PLCL1: variants seen among roughly 807,000 people sequenced by gnomAD.
PLCL1 encodes phospholipase C like 1 (inactive).
Under a neutral mutation model 84.4 loss-of-function variants are expected in PLCL1, and 41 were observed. The ratio of observed to expected loss-of-function variants is 0.49; its 90% CI spans 0.38 to 0.63. The LOEUF is 0.63. Among genes scored for constraint, PLCL1 ranks in the 30% least tolerant of loss-of-function variants. The pLI is 0.00. For missense variants in PLCL1, 1,206 were observed against 1,367.8 expected (o/e 0.88, Z 1.87); for synonymous variants, 490 against 488.3 (o/e 1.00, Z -0.05).
chr2:197,980,698 C>G (rs2105804558), intron 1 of PLCL1, among the ~76,000 whole-genome samples: 1 of 152,202 alleles, frequency 6.6e-6, no homozygotes, highest in South Asian at 2.1e-4. Flanking sequence ...AGTGGGGGAA[C>G]AGTAACACAG....
intron 1 of PLCL1, among the ~76,000 whole-genome samples, chr2:197,925,748 C>T (rs1436415762): frequency 6.7e-6 from 1 of 149,716 alleles, no homozygotes; most frequent in Non-Finnish European, 1.5e-5. Flanking sequence ...CTCCCTCCCT[C>T]CCTCCCTCAG....
intron 1 of PLCL1, among the ~76,000 whole-genome samples, chr2:198,056,712 A>G (rs1692081226): frequency 6.6e-6 from 1 of 152,146 alleles, no homozygotes; most frequent in Non-Finnish European, 1.5e-5. Flanking sequence ...TTTTGTGACT[A>G]TTAGCATTTG....
At chr2:197,889,011 C>G (rs1295426439) in intron 1 of PLCL1, among the ~76,000 whole-genome samples, 1 of 151,998 alleles carries the variant, frequency 6.6e-6, no homozygotes, top group African/African-American at 2.4e-5. Flanking sequence ...CTTTTATTTG[C>G]AGTTTTTTTA....
At chr2:197,978,338 G>A (rs528754801) in intron 1 of PLCL1, among the ~76,000 whole-genome samples, 15 of 152,258 alleles carry the variant, frequency 9.9e-5, no homozygotes, top group Middle Eastern at 3.4e-3. Flanking sequence ...TTGGCCGGGC[G>A]TGGTGGTGGG....
chr2:197,864,354 T>C (rs964638735), intron 1 of PLCL1, among the ~76,000 whole-genome samples: 26 of 152,050 alleles, frequency 1.7e-4, no homozygotes, highest in African/African-American at 5.8e-4. Flanking sequence ...TCTTTCTTTT[T>C]TTTTTTTTTG....
At chr2:198,105,601 G>GGGGTGTGT (rs1553518574) in intron 5 of PLCL1, among the ~76,000 whole-genome samples, 1 of 143,722 alleles carries the variant, frequency 7.0e-6, no homozygotes, top group East Asian at 2.1e-4. Flanking sequence ...TAATTTGCCT[G>GGGGTGTGT]GTGTGTGTGT....
At chr2:197,836,943 T>G (rs1048009810) in intron 1 of PLCL1, among the ~76,000 whole-genome samples, 2 of 152,114 alleles carry the variant, frequency 1.3e-5, no homozygotes, top group African/African-American at 4.8e-5. Flanking sequence ...CAAGTGATCC[T>G]CCTGCCTTGG....
At chr2:198,146,461 A>G (rs895352066) in intron 5 of PLCL1, among the ~76,000 whole-genome samples, 2 of 152,304 alleles carry the variant, frequency 1.3e-5, no homozygotes, top group African/African-American at 4.8e-5. Context: ...AGCAGTGTGC[A>G]GAGTCTCAGA....
chr2:198,085,895 T>C lies in PLCL1; in HGVS notation c.2378T>C (p.Met793Thr). The change falls in exon 2 of 6, where the codon ATG (methionine) becomes ACG (threonine). Residue 793 changes from methionine (M) to threonine (T), a missense_variant. Coordinates refer to ENST00000428675, the MANE Select transcript of PLCL1 (RefSeq NM_006226.4). The surrounding 1 kb of genome is among the most constrained non-coding windows in gnomAD (Gnocchi z 5.3). ...EFQVNLPELA[M>T]IRFVVLDDDY... is the part of the protein sequence containing the mutation. ...CAAGTAAACCTACCTGAGCTGGCCA[T>C]GATCCGTTTTGTTGTTCTGGATGAT... 1 of 1,614,150 alleles carries C rather than the reference T, an allele frequency of 6.2e-7. No individual in the cohort carries two copies. The highest frequency in any genetic ancestry group is 8.5e-7 in the Non-Finnish European group (1 of 1,179,950).
intron 1 of PLCL1, among the ~76,000 whole-genome samples, chr2:197,926,931 T>G (rs1233759042): frequency 6.6e-6 from 1 of 152,186 alleles, no homozygotes; most frequent in Non-Finnish European, 1.5e-5. Flanking sequence ...TTGTCTTATT[T>G]GGCTGGGCAA....
At position 197,947,122 on chromosome 2, in the gene PLCL1, G is replaced by GTAT. The variant is rs1689290844; in HGVS notation, c.241-136636_241-136635insTAT. Among the ~76,000 whole-genome samples, 5 of 151,974 alleles carry GTAT rather than the reference G, an allele frequency of 3.3e-5. No individual in the cohort carries two copies. In the South Asian group the frequency reaches 8.3e-4, roughly 25 times the overall value. On this transcript the variant is annotated intron_variant, in intron 1 of 5. Transcript: ENST00000428675. ...AGGGGTGAACATACGTTTTCATGGAGCTTATCTTTTAGGGGAGTGAGGACA... is the reference window on the plus strand; with the variant it reads ...AGGGGTGAACATACGTTTTCATGGAGTATCTTATCTTTTAGGGGAGTGAGGACA...
chr2:198,049,469 C>A (rs868838216), intron 1 of PLCL1, among the ~76,000 whole-genome samples: 4 of 152,012 alleles, frequency 2.6e-5, no homozygotes, highest in Non-Finnish European at 2.9e-5. Flanking sequence ...AAGGCAAGAC[C>A]CCTTCTCTTA....
chr2:197,863,821 A>C (rs1687477905), intron 1 of PLCL1, among the ~76,000 whole-genome samples: 1 of 152,128 alleles, frequency 6.6e-6, no homozygotes, highest in Non-Finnish European at 1.5e-5. Flanking sequence ...ACTTAATATT[A>C]AATTTCTCTA....
At chr2:198,104,253 C>T (rs1446504883) in intron 5 of PLCL1, among the ~76,000 whole-genome samples, 1 of 151,842 alleles carries the variant, frequency 6.6e-6, no homozygotes, top group Admixed American at 6.6e-5. Flanking sequence ...CATGTGGTCT[C>T]ATTGTTTAGT....
intron 1 of PLCL1, among the ~76,000 whole-genome samples, chr2:198,001,631 T>C (rs1460015051): frequency 6.6e-6 from 1 of 152,128 alleles, no homozygotes; most frequent in Admixed American, 6.5e-5. Flanking sequence ...TTTTTTTCTG[T>C]GTAGTTGTGG....
intron 1 of PLCL1, among the ~76,000 whole-genome samples, chr2:198,071,679 G>A (rs1245858707): frequency 6.6e-6 from 1 of 151,650 alleles, no homozygotes; most frequent in Non-Finnish European, 1.5e-5. Context: ...GAAACACATA[G>A]CAAATATTTC....
At chr2:198,104,102 C>T (rs767462215) in intron 5 of PLCL1, among the ~76,000 whole-genome samples, 166 bp downstream of exon 5, 3 of 151,884 alleles carry the variant, frequency 2.0e-5, no homozygotes, top group Middle Eastern at 3.4e-3. Flanking sequence ...AACTGTGTGT[C>T]GCGGGGGGCT....
intron 1 of PLCL1, among the ~76,000 whole-genome samples, chr2:197,856,789 T>G (rs1225825246): frequency 6.6e-6 from 1 of 152,218 alleles, no homozygotes; most frequent in East Asian, 1.9e-4. Context: ...TGAGCCATTA[T>G]TTTGCCATTA....
In PLCL1 at chr2:197,805,004, G is replaced by T. The variant is rs1690435450; in HGVS notation, c.-96G>T. The T allele has an allele frequency of 1.3e-5, 17 of 1,337,688 alleles. No homozygotes were observed. Among genetic ancestry groups the T allele is most frequent in the Non-Finnish European group, 1.6e-5 (17 of 1,031,148 alleles). The allele number at this position is 1,337,688 out of a possible 1,614,324, so 82.9% of individuals were successfully genotyped here. A position where few individuals can be genotyped will look rare whatever the true frequency, so the allele number is the denominator to read the frequency against. ...GGGCGGTGAAACAAAGTCTGGCGGGGCCGCCTCCCGGTGCAGGAGCGCACC... is the reference window on the plus strand; with the variant it reads ...GGGCGGTGAAACAAAGTCTGGCGGGTCCGCCTCCCGGTGCAGGAGCGCACC... On this transcript the variant is annotated 5_prime_UTR_variant, in exon 1 of 6. Transcript: ENST00000428675. The surrounding 1 kb of genome is among the most constrained non-coding windows in gnomAD (Gnocchi z 4.0).
Sources: allele counts gnomAD v4.1 joint callset (sites outside exome capture counted in the v4.1 genomes callset), GRCh38; gene constraint gnomAD v4.1.1; non-coding constraint Gnocchi (gnomAD v3.1); transcripts MANE v1.5; gene names NCBI Gene and HGNC (gene_info 2026-07-23, HGNC 2026-07-21).